DACH2: variants seen among roughly 807,000 people sequenced by gnomAD.
DACH2 encodes dachshund family transcription factor 2, also known as dachshund homolog 2.
A neutral mutation model predicts 35.8 loss-of-function variants in DACH2; 17 were observed. That is an observed-to-expected ratio of 0.48 (90% confidence interval 0.33 to 0.71). The LOEUF (loss-of-function observed/expected upper bound fraction) is 0.71, where lower values mean the gene tolerates loss of function less well. Ranked by LOEUF, DACH2 falls within the 30% of genes least tolerant of loss-of-function variation. The pLI, the probability that DACH2 is intolerant of heterozygous loss-of-function variation, is 0.02. For synonymous variants in DACH2, 195 were observed against 177.3 expected (o/e 1.10, Z -0.79); for missense variants, 469 against 472.7 (o/e 0.99, Z 0.07).
Position 86,646,149 on chromosome X carries a change from G to A in DACH2, c.641-4887G>A, listed in dbSNP as rs189150561. Among the ~76,000 whole-genome samples the A allele has an allele frequency of 3.1e-3, 345 of 111,559 alleles. 2 individuals are homozygous for A. The highest frequency in any genetic ancestry group is 0.011 in the African/African-American group (324 of 30,857). ...TGACATGTCTTTTGCAGCAACATGC[G>A]TAGAACTGGAGGCCATTACTTTAAG... On this transcript the variant is annotated intron_variant, in intron 3 of 11. Transcript: ENST00000373125.
chrX:86,392,100 T>A (rs1188877171), intron 2 of DACH2, among the ~76,000 whole-genome samples: 1 of 111,521 alleles, frequency 9.0e-6, no homozygotes, highest in Non-Finnish European at 1.9e-5. Flanking sequence ...AACATTTTGC[T>A]ATAATGGATG....
intron 5 of DACH2, among the ~76,000 whole-genome samples, chrX:86,698,530 T>TG (rs1184071940): frequency 1.2e-4 from 7 of 58,825 alleles, no homozygotes; most frequent in Admixed American, 2.3e-4. Context: ...TGTTTTTTTT[T>TG]TTTTTTTTTT....
At chrX:86,293,911 C>G (rs78487598) in intron 1 of DACH2, among the ~76,000 whole-genome samples, 1 of 110,739 alleles carries the variant, frequency 9.0e-6, no homozygotes, top group East Asian at 2.8e-4. Context: ...CTTGGAGGTG[C>G]TCTTCTCGAG....
At chrX:86,283,070 G>A (rs1212758277) in intron 1 of DACH2, among the ~76,000 whole-genome samples, 2 of 19,583 alleles carry the variant, frequency 1.0e-4, no homozygotes, top group Non-Finnish European at 1.6e-4. Flanking sequence ...GAGCCACCGC[G>A]CCCGGCCCGA....
At position 86,514,334 on chromosome X, in the gene DACH2, C is replaced by A. The variant is rs777572519; in HGVS notation, c.583C>A (p.Arg195Ser). The change falls in exon 3 of 12, where the codon CGC becomes AGC. Residue 195 changes from arginine to serine, a missense_variant. By Grantham distance (110) the Arg-to-Ser change is moderately radical (BLOSUM62 -1). Around this residue, in one of 3 missense-constraint regions of DACH2, gnomAD observed 363 missense variants for 334.4 expected, o/e 1.09. Transcript: ENST00000373125. ...TTTGGGAGTGTTGCAGGAAAATGCC[C>A]GCCTTCTGACCCATGCAGTCCCAGG... ...RSLGVLQENARLLTHAVPGLL... is the reference protein window; with the variant it reads ...RSLGVLQENASLLTHAVPGLL... 1.7e-6 allele frequency: 2 copies of A among 1,209,405 alleles called. No homozygotes were observed. Among genetic ancestry groups the A allele is most frequent in the African/African-American group, 3.5e-5 (2 of 57,074 alleles).
intron 2 of DACH2, among the ~76,000 whole-genome samples, chrX:86,433,119 A>C (rs1157837726): frequency 8.9e-6 from 1 of 111,935 alleles, no homozygotes; most frequent in African/African-American, 3.2e-5. Context: ...TATTTTAATA[A>C]TTAAAGAGTT....
intron 2 of DACH2, among the ~76,000 whole-genome samples, chrX:86,406,942 G>A (rs914704634): frequency 2.7e-5 from 3 of 111,620 alleles, no homozygotes; most frequent in African/African-American, 9.7e-5. Flanking sequence ...AAAATGGGAG[G>A]GAAAATGCAT....
Position 86,556,791 on chromosome X carries a change from TATATAG to T in DACH2, c.640+42402_640+42407del, listed in dbSNP as rs1357296556. On this transcript the variant is annotated intron_variant, in intron 3 of 11. Coordinates refer to ENST00000373125, the MANE Select transcript of DACH2 (RefSeq NM_053281.3). The stretch of plus-strand genomic sequence containing the variant: ...ATATATATATATATATATATATATA[TATATAG>T]AGAGAGAGAGAGAGAGAGAGAGAGA... Among the ~76,000 whole-genome samples the T allele has an allele frequency of 1.1e-3, 38 of 35,649 alleles. 1 individual carries two copies. Among genetic ancestry groups the T allele is most frequent in the African/African-American group, 1.5e-3 (12 of 7,947 alleles). The allele number at this position is 35,649 out of a possible 115,157, so 31.0% of individuals were successfully genotyped here.
Position 86,800,507 on chromosome X carries a change from T to C in DACH2, c.1241-12349T>C, listed in dbSNP as rs759158450. ...ATTTTTATCAGAAAAAGAGTGTCCA[T>C]AAGATGGTATGAATTTTCATAGCAA... is the stretch of plus-strand genomic sequence containing the variant. On this transcript the variant is annotated intron_variant, in intron 7 of 11. Transcript: ENST00000373125. Among the ~76,000 whole-genome samples the C allele has an allele frequency of 6.3e-5, 7 of 111,863 alleles. No individual in the cohort carries two copies. The East Asian group carries it at 2.0e-3, about 31-fold the overall frequency.
chrX:86,434,335 T>C (rs1266849870), intron 2 of DACH2, among the ~76,000 whole-genome samples: 1 of 111,664 alleles, frequency 9.0e-6, no homozygotes, highest in Non-Finnish European at 1.9e-5. Flanking sequence ...TTGCAAACAA[T>C]CTAATTATAC....
chrX:86,631,139 T>A (rs1339409492), intron 3 of DACH2, among the ~76,000 whole-genome samples: 1 of 112,018 alleles, frequency 8.9e-6, no homozygotes, highest in Non-Finnish European at 1.9e-5. Context: ...TTTTAATCTT[T>A]TGTCTATCCA....
At position 86,832,343 on chromosome X, in the gene DACH2, T is replaced by C. The variant is rs2042621417; in HGVS notation, c.*188T>C. ...TTAAAAGCAATGATGTAAACTTTGT[T>C]CTTGCATTAGACTGACCAGTTTAAA... On this transcript the variant is annotated 3_prime_UTR_variant, in exon 12 of 12. Transcript: ENST00000373125. 1 of 419,623 alleles carries C rather than the reference T, an allele frequency of 2.4e-6. No individual in the cohort carries two copies. The highest frequency in any genetic ancestry group is 2.5e-5 in the African/African-American group (1 of 39,896). 34.6% of individuals were successfully genotyped at this position (419,623 alleles called of 1,213,427 possible).
At chrX:86,363,747 G>T (rs1480651385) in intron 1 of DACH2, among the ~76,000 whole-genome samples, 4 of 111,029 alleles carry the variant, frequency 3.6e-5, no homozygotes. Flanking sequence ...TATCTGGTTG[G>T]AACACATATA....
Position 86,514,375 on chromosome X carries a change from A to G in DACH2, c.624A>G (p.Gly208=), listed in dbSNP as rs752004160. The part of the protein sequence containing the change: ...THAVPGLLSP[G]LITPTGITAA... ...CAGTCCCAGGCCTCTTATCGCCAGG[A>G]CTTATCACTCCGACAGGTAATAAAA... The change falls in exon 3 of 12, where the codon GGA becomes GGG. Residue 208 remains glycine, a synonymous_variant. Coordinates refer to ENST00000373125, the MANE Select transcript of DACH2 (RefSeq NM_053281.3). 7 of 1,207,494 alleles carry G rather than the reference A, an allele frequency of 5.8e-6. No individual in the cohort carries two copies. The South Asian group carries it at 7.1e-5, about 12-fold the overall frequency.
intron 1 of DACH2, among the ~76,000 whole-genome samples, chrX:86,208,556 C>T (rs188558198): frequency 9.0e-6 from 1 of 111,492 alleles, no homozygotes; most frequent in East Asian, 2.8e-4. Context: ...AGCACTATTA[C>T]TCTGACTGCC....
chrX:86,304,745 G>T (rs1229851950), intron 1 of DACH2: 9 of 163,310 alleles, frequency 5.5e-5, no homozygotes, highest in Non-Finnish European at 1.3e-5. Flanking sequence ...GTCAGATGGG[G>T]TGGTAGAATG....
chrX:86,245,690 G>A (rs993591780), intron 1 of DACH2, among the ~76,000 whole-genome samples: 20 of 111,580 alleles, frequency 1.8e-4, no homozygotes, highest in African/African-American at 6.2e-4. Context: ...CCAAAAAACA[G>A]CAACATTAAA....
intron 1 of DACH2, among the ~76,000 whole-genome samples, chrX:86,321,827 G>T (rs1250392491): frequency 8.9e-6 from 1 of 112,193 alleles, no homozygotes; most frequent in African/African-American, 3.2e-5. Context: ...ATTTATCAGG[G>T]TCATCAGAGA....
At chrX:86,556,799 G>GAT (rs2039134415) in intron 3 of DACH2, among the ~76,000 whole-genome samples, 1 of 64,604 alleles carries the variant, frequency 1.5e-5, no homozygotes, top group Non-Finnish European at 2.8e-5. Context: ...TATATATAGA[G>GAT]AGAGAGAGAG....
Sources: allele counts gnomAD v4.1 joint callset (sites outside exome capture counted in the v4.1 genomes callset), GRCh38; gene constraint gnomAD v4.1.1; regional missense constraint gnomAD v4.1.1; transcripts MANE v1.5; gene names NCBI Gene and HGNC (gene_info 2026-07-23, HGNC 2026-07-21).